Variants in ADARB2 observed in about 807,000 individuals in gnomAD.
ADARB2 encodes inactive double-stranded RNA-specific editase B2.
A neutral mutation model predicts 62.2 loss-of-function variants in ADARB2; 25 were observed. That is an observed-to-expected ratio of 0.40 (90% CI 0.29 to 0.56). ADARB2 has a LOEUF of 0.56. ADARB2 is among the 20% of genes least tolerant of loss of function. The pLI, the probability that ADARB2 is intolerant of heterozygous loss-of-function variation, is 0.43. For missense variants in ADARB2, 1,071 were observed against 1,077.4 expected (o/e 0.99, Z 0.08); for synonymous variants, 572 against 500.8 (o/e 1.14, Z -1.90).
intron 1 of ADARB2, among the ~76,000 whole-genome samples, chr10:1,406,393 C>A (rs996852835): frequency 4.6e-5 from 7 of 152,060 alleles, no homozygotes; most frequent in Admixed American, 3.9e-4. Flanking sequence ...GGGCTCGGTA[C>A]CCGGGAAGGA....
chr10:1,182,817 C>T lies in ADARB2; in HGVS notation c.*376G>A, dbSNP rs140636737. Reference sequence around the variant, plus strand: ...GACCCCAGCATCACCAAGAGGCGCACGCAGGGGTGGGGTGCAGGGACGGGG... The same window carrying T: ...GACCCCAGCATCACCAAGAGGCGCATGCAGGGGTGGGGTGCAGGGACGGGG... On this transcript the variant is annotated 3_prime_UTR_variant, in exon 10 of 10. Coordinates refer to ENST00000381312, the MANE Select transcript of ADARB2 (RefSeq NM_018702.4). 3.6e-3 allele frequency: 661 copies of T among 185,554 alleles called. 5 individuals are homozygous for T. The highest frequency in any genetic ancestry group is 0.03 in the Admixed American group (519 of 17,260). The allele number at this position is 185,554 out of a possible 1,614,324, so 11.5% of individuals were successfully genotyped here.
intron 6 of ADARB2, among the ~76,000 whole-genome samples, chr10:1,220,255 GTGA>G (rs1230701318): frequency 1.2e-4 from 18 of 145,128 alleles, no homozygotes; most frequent in Middle Eastern, 3.8e-3. Context: ...GGTGGTGGTG[GTGA>G]TGATGGTGGT....
chr10:1,412,456 A>G lies in ADARB2; in HGVS notation c.101-33296T>C, dbSNP rs371311470. 6.6e-5 allele frequency among the ~76,000 whole-genome samples: 10 copies of G among 152,088 alleles called. 1 individual carries two copies. Among genetic ancestry groups the G allele is most frequent in the African/African-American group, 2.4e-4 (10 of 41,486 alleles). ...AGCTATGTGAGGTTGTGACTTTATT[A>G]TTATTATTATTTTTGCTTTTAAAAT... On this transcript the variant is annotated intron_variant, in intron 1 of 9. Transcript: ENST00000381312.
intron 1 of ADARB2, among the ~76,000 whole-genome samples, chr10:1,593,853 C>T (rs966564013): frequency 2.6e-5 from 4 of 152,032 alleles, no homozygotes; most frequent in Non-Finnish European, 5.9e-5. Context: ...AAGAATGAGC[C>T]CTTGAGAGTA....
At chr10:1,540,489 TC>T (rs1413583828) in intron 1 of ADARB2, among the ~76,000 whole-genome samples, 8,335 of 116,380 alleles carry the variant, frequency 0.072, 1,422 homozygotes, top group Non-Finnish European at 0.094. Context: ...CAGACGTAGT[TC>T]AGACCCTGGA....
At chr10:1,681,978 C>T (rs1014266284) in intron 1 of ADARB2, among the ~76,000 whole-genome samples, 2 of 152,190 alleles carry the variant, frequency 1.3e-5, no homozygotes, top group Non-Finnish European at 2.9e-5. Flanking sequence ...ATGAAATTCC[C>T]GAGCTTCGGT....
At chr10:1,358,658 T>C (rs923269818) in intron 3 of ADARB2, among the ~76,000 whole-genome samples, 4 of 118,984 alleles carry the variant, frequency 3.4e-5, no homozygotes, top group African/African-American at 1.1e-4. Context: ...AAAACAAAGA[T>C]TCTTTTAACA....
chr10:1,606,656 C>A (rs1298793612), intron 1 of ADARB2, among the ~76,000 whole-genome samples: 1 of 152,130 alleles, frequency 6.6e-6, no homozygotes, highest in Non-Finnish European at 1.5e-5. Flanking sequence ...AGTTCTTTCT[C>A]TAAGCAAGCA....
rs118186422 is a variant in ADARB2, at chr10:1,416,585, G to A, written c.101-37425C>T. ...GAGCAGGTAACTGGCTGGGATCCAGGAAAGGCCCTTGTGAGGCTGCACAGG... is the reference window on the plus strand; with the variant it reads ...GAGCAGGTAACTGGCTGGGATCCAGAAAAGGCCCTTGTGAGGCTGCACAGG... On this transcript the variant is annotated intron_variant, in intron 1 of 9. Transcript: ENST00000381312. Among the ~76,000 whole-genome samples, 235 of 152,358 alleles carry A rather than the reference G, an allele frequency of 1.5e-3. 7 individuals carry two copies. The East Asian group carries it at 0.039, about 25-fold the overall frequency.
At chr10:1,186,110 T>A (rs1836754774) in intron 8 of ADARB2, among the ~76,000 whole-genome samples, 1 of 152,156 alleles carries the variant, frequency 6.6e-6, no homozygotes, top group African/African-American at 2.4e-5. Flanking sequence ...GCCAATTCAT[T>A]GTCTCTTTCA....
chr10:1,309,032 GTTCT>G (rs1262707760), intron 3 of ADARB2, among the ~76,000 whole-genome samples: 1 of 152,190 alleles, frequency 6.6e-6, no homozygotes, highest in Non-Finnish European at 1.5e-5. Context: ...ATAAAATTCA[GTTCT>G]TTAACTGATG....
intron 1 of ADARB2, among the ~76,000 whole-genome samples, chr10:1,504,924 G>A (rs886843752): frequency 6.6e-5 from 10 of 151,862 alleles, no homozygotes; most frequent in African/African-American, 1.9e-4. Flanking sequence ...ATGCGTGTGC[G>A]TGCACACACA....
chr10:1,671,840 A>G (rs1166359152), intron 1 of ADARB2, among the ~76,000 whole-genome samples: 1 of 151,950 alleles, frequency 6.6e-6, no homozygotes, highest in Non-Finnish European at 1.5e-5. Flanking sequence ...CCAGGAAATC[A>G]GGAGTTAAGG....
rs113892696 is a variant in ADARB2, at chr10:1,277,984, T to C, written c.1078-6915A>G. Among the ~76,000 whole-genome samples the C allele has an allele frequency of 2.1e-3, 324 of 151,902 alleles. 1 individual carries two copies. Among genetic ancestry groups the C allele is most frequent in the African/African-American group, 7.0e-3 (288 of 41,422 alleles). ...TTCTCTCTCTCTTTCTTTTTTTCCT[T>C]TTTGAGACAGAGTCTAGTTCTGTCA... On this transcript the variant is annotated intron_variant, in intron 3 of 9. Transcript: ENST00000381312.
At chr10:1,357,217 T>G (rs888958769) in intron 3 of ADARB2, among the ~76,000 whole-genome samples, 12 of 152,332 alleles carry the variant, frequency 7.9e-5, no homozygotes, top group Non-Finnish European at 1.8e-4. Flanking sequence ...TGAGTGAGAC[T>G]GAATGGCTGG....
At chr10:1,520,599 C>G (rs1832061439) in intron 1 of ADARB2, among the ~76,000 whole-genome samples, 1 of 152,140 alleles carries the variant, frequency 6.6e-6, no homozygotes, top group African/African-American at 2.4e-5. Context: ...AATCACCAAA[C>G]TTGCATTACT....
intron 3 of ADARB2, among the ~76,000 whole-genome samples, chr10:1,281,217 A>G (rs1484986798): frequency 6.6e-6 from 1 of 152,104 alleles, no homozygotes; most frequent in Non-Finnish European, 1.5e-5. Context: ...CCAGATGATG[A>G]CCTCATCTCC....
At position 1,214,398 on chromosome 10, in the gene ADARB2, G is replaced by C. The variant is rs1370379564; in HGVS notation, c.1682+2553C>G. 8.9e-5 allele frequency among the ~76,000 whole-genome samples: 8 copies of C among 89,550 alleles called. 1 individual carries two copies. The South Asian group carries it at 2.9e-3, about 33-fold the overall frequency. 58.7% of individuals were successfully genotyped at this position (89,550 alleles called of 152,430 possible). ...CTGTGCCTGGACCTGCCAGCGTTGC[G>C]TGGGTTTGCCCCTGTGCCTGGACCT... On this transcript the variant is annotated intron_variant, in intron 7 of 9. Transcript: ENST00000381312.
chr10:1,309,078 G>A (rs1365061645), intron 3 of ADARB2, among the ~76,000 whole-genome samples: 1 of 152,172 alleles, frequency 6.6e-6, no homozygotes, highest in Admixed American at 6.5e-5. Context: ...CCATGCCTCT[G>A]ACAGCAAACC....
Sources: allele counts gnomAD v4.1 joint callset (sites outside exome capture counted in the v4.1 genomes callset), GRCh38; gene constraint gnomAD v4.1.1; transcripts MANE v1.5; gene names NCBI Gene and HGNC (gene_info 2026-07-23, HGNC 2026-07-21).